The following FAM184A variants were observed in gnomAD, a reference collection of about 807,000 sequenced individuals.
FAM184A encodes protein FAM184A.
Under a neutral mutation model 143.8 loss-of-function variants are expected in FAM184A, and 99 were observed. That is an observed-to-expected ratio of 0.69 (90% confidence interval 0.58 to 0.81). The LOEUF is 0.81. FAM184A is among the 40% of genes least tolerant of loss of function. The pLI, the probability that FAM184A is intolerant of heterozygous loss-of-function variation, is 0.00. For missense variants in FAM184A, 1,217 were observed against 1,310.5 expected (o/e 0.93, Z 1.10); for synonymous variants, 427 against 446.4 (o/e 0.96, Z 0.55).
intron 1 of FAM184A, among the ~76,000 whole-genome samples, chr6:119,059,734 A>G (rs191425454): frequency 2.6e-4 from 40 of 152,354 alleles, no homozygotes; most frequent in African/African-American, 9.6e-4. Context: ...GTCAGGTATA[A>G]TAATTATTCA....
chr6:119,118,097 C>T (rs770646667), intron 1 of FAM184A, among the ~76,000 whole-genome samples: 2 of 152,204 alleles, frequency 1.3e-5, no homozygotes, highest in Non-Finnish European at 2.9e-5. Context: ...AAGCTCTGAC[C>T]TGCAGTTATT....
At chr6:119,103,101 G>A (rs1788687144) in intron 1 of FAM184A, among the ~76,000 whole-genome samples, 1 of 152,164 alleles carries the variant, frequency 6.6e-6, no homozygotes, top group Non-Finnish European at 1.5e-5. Context: ...TTATGATCAT[G>A]TGGTTCAGGG....
At chr6:118,974,977 T>G in intron 13 of FAM184A, 47 bp downstream of exon 13, 1 of 1,468,006 alleles carries the variant, frequency 6.8e-7, no homozygotes, top group East Asian at 2.3e-5. Flanking sequence ...GCACAACAGT[T>G]TTTCAGATGA....
rs72970462 is a variant in FAM184A at position 118,983,718 on chromosome 6, G to A, written c.2089-3368C>T. On this transcript the variant is annotated intron_variant, in intron 9 of 17. Transcript: ENST00000338891. ...CAGACATTTTAGAGACAATTTTAAA[G>A]GTCAAACTGCACTGATAGTAATTGC... Among the ~76,000 whole-genome samples, 722 of 152,000 alleles carry A rather than the reference G, an allele frequency of 4.7e-3. 5 individuals are homozygous for A. Among genetic ancestry groups the A allele is most frequent in the Middle Eastern group, 0.02 (6 of 294 alleles).
intron 1 of FAM184A, among the ~76,000 whole-genome samples, chr6:119,140,634 C>G (rs768515747): frequency 2.0e-5 from 3 of 152,198 alleles, no homozygotes; most frequent in African/African-American, 7.2e-5. Context: ...ATCTGGTTCC[C>G]TCGCCTTCCT....
chr6:119,074,603 CA>C lies in FAM184A; in HGVS notation c.159+3537del, dbSNP rs148111036. Among the ~76,000 whole-genome samples the C allele has an allele frequency of 9.6e-4, 144 of 150,220 alleles. 1 individual carries two copies. Among genetic ancestry groups the C allele is most frequent in the African/African-American group, 3.3e-3 (135 of 40,936 alleles). On this transcript the variant is annotated intron_variant, in intron 1 of 17. Coordinates refer to ENST00000338891, the MANE Select transcript of FAM184A (RefSeq NM_024581.6). ...GGGAAAAAAAGTAATTTGAAAGTGA[CA>C]AAAAAAAAGCTTTTATAATTACATC...
intron 1 of FAM184A, among the ~76,000 whole-genome samples, chr6:119,110,301 G>T (rs1307008226): frequency 3.3e-5 from 5 of 152,034 alleles, no homozygotes; most frequent in Non-Finnish European, 1.5e-5. Flanking sequence ...CCAGGTTTTT[G>T]GTAGGAAGCA....
intron 9 of FAM184A, among the ~76,000 whole-genome samples, chr6:118,997,227 C>CT (rs1230955449): frequency 1.3e-5 from 2 of 149,208 alleles, no homozygotes; most frequent in South Asian, 2.2e-4. Flanking sequence ...GTGGCAAAAC[C>CT]CATCTCTACT....
At chr6:119,059,966 T>C (rs941254465) in intron 1 of FAM184A, among the ~76,000 whole-genome samples, 6 of 152,238 alleles carry the variant, frequency 3.9e-5, no homozygotes, top group Non-Finnish European at 7.3e-5. Context: ...GGCTATCTTA[T>C]AACTTGCCAC....
chr6:119,049,858 T>G (rs1786680849), intron 1 of FAM184A, among the ~76,000 whole-genome samples: 1 of 152,180 alleles, frequency 6.6e-6, no homozygotes, highest in Non-Finnish European at 1.5e-5. Flanking sequence ...CTAAAGAGCT[T>G]CTGCACAGCA....
chr6:118,960,731 A>G, intron 17 of FAM184A: 1 of 1,132,182 alleles, frequency 8.8e-7, no homozygotes, highest in Non-Finnish European at 1.2e-6. Context: ...CTAACTAAAG[A>G]TTCTTTGGGC....
At chr6:118,982,965 T>C (rs1036583854) in intron 9 of FAM184A, among the ~76,000 whole-genome samples, 2 of 152,174 alleles carry the variant, frequency 1.3e-5, no homozygotes, top group Non-Finnish European at 2.9e-5. Context: ...GGATATGTGA[T>C]TAATCTTTGT....
chr6:119,104,878 C>T (rs1788739394), intron 1 of FAM184A, among the ~76,000 whole-genome samples: 2 of 150,466 alleles, frequency 1.3e-5, no homozygotes. Flanking sequence ...ATAGCATGTG[C>T]CCTTGATCTG....
At chr6:119,023,555 G>C (rs63441160) in intron 2 of FAM184A, among the ~76,000 whole-genome samples, 2,202 of 6,446 alleles carry the variant, frequency 0.34, 325 homozygotes, top group African/African-American at 0.5. Flanking sequence ...AATATTGTCC[G>C]CCCCCCCCCC....
rs374098990 is a variant in FAM184A, at chr6:119,007,292, C to A, written c.1654-684G>T. Among the ~76,000 whole-genome samples the A allele has an allele frequency of 2.6e-5, 4 of 152,136 alleles. No homozygotes were observed. In the East Asian group the frequency reaches 5.8e-4, roughly 22 times the overall value. On this transcript the variant is annotated intron_variant, in intron 6 of 17. Transcript: ENST00000338891. ...ACCGCATTCTTATAAAATGGCCAAG[C>A]CTATGAAATTTCTACAAAAGTTGAA...
chr6:119,059,738 T>C (rs1444791414), intron 1 of FAM184A, among the ~76,000 whole-genome samples: 1 of 152,216 alleles, frequency 6.6e-6, no homozygotes. Flanking sequence ...GGTATAATAA[T>C]TATTCAGCAC....
intron 14 of FAM184A, among the ~76,000 whole-genome samples, chr6:118,973,303 GATTGA>G (rs1328312938): frequency 2.6e-5 from 4 of 152,146 alleles, no homozygotes; most frequent in East Asian, 1.9e-4. Flanking sequence ...TTTACCGAAA[GATTGA>G]ATTGGTCACA....
intron 1 of FAM184A, among the ~76,000 whole-genome samples, chr6:119,039,708 A>C (rs1183286464): frequency 6.6e-6 from 1 of 152,178 alleles, no homozygotes; most frequent in Non-Finnish European, 1.5e-5. Context: ...CCCACTAGAA[A>C]TGTCAGGTGA....
intron 1 of FAM184A, among the ~76,000 whole-genome samples, chr6:119,094,448 A>G (rs913309465): frequency 4.6e-5 from 7 of 152,194 alleles, no homozygotes; most frequent in African/African-American, 1.4e-4. Context: ...TAGATACTAT[A>G]TAAGTGAAGC....
Sources: gnomAD v4.1 joint callset for allele counts (sites outside exome capture counted in the v4.1 genomes callset) on GRCh38, gnomAD v4.1.1 for gene constraint, MANE v1.5 for transcripts, NCBI Gene and HGNC (gene_info 2026-07-23, HGNC 2026-07-21) for gene names.